Variants in SNX13 observed in about 807,000 individuals in gnomAD.
SNX13 encodes the protein sorting nexin 13.
In SNX13, 45 loss-of-function variants were observed where a neutral mutation model predicts 133.6. The observed-to-expected ratio is 0.34, with a 90% CI of 0.27 to 0.43. SNX13 has a LOEUF of 0.43. Ranked by LOEUF, SNX13 falls within the 20% of genes least tolerant of loss-of-function variation. SNX13 has a pLI of 1.00. For missense variants in SNX13, 1,032 were observed against 1,145.1 expected, an observed-to-expected ratio of 0.90 and a Z score of 1.43; for synonymous variants, 414 against 373.9, an observed-to-expected ratio of 1.11 and a Z score of -1.24.
chr7:17,907,884 T>A (rs1400849725), intron 1 of SNX13, among the ~76,000 whole-genome samples: 1 of 152,198 alleles, frequency 6.6e-6, no homozygotes, highest in Non-Finnish European at 1.5e-5. Flanking sequence ...TTACTAGATA[T>A]GCAATCCTTG....
intron 1 of SNX13, among the ~76,000 whole-genome samples, chr7:17,906,320 C>G (rs1798392942): frequency 6.6e-6 from 1 of 152,090 alleles, no homozygotes; most frequent in Admixed American, 6.6e-5. Context: ...TTAAAATTAA[C>G]TGCTTAGATT....
chr7:17,897,306 T>C, intron 2 of SNX13, 28 bp downstream of exon 2: 1 of 1,266,510 alleles, frequency 7.9e-7, no homozygotes, highest in Non-Finnish European at 1.1e-6. Flanking sequence ...GACACATGAA[T>C]TATAAAATTA....
intron 20 of SNX13, among the ~76,000 whole-genome samples, chr7:17,810,704 A>G (rs1285781664): frequency 1.3e-5 from 2 of 152,212 alleles, no homozygotes; most frequent in African/African-American, 2.4e-5. Context: ...ACAAAAAAAG[A>G]GAAAATTTCA....
chr7:17,859,546 A>T (rs1281931391), intron 9 of SNX13, among the ~76,000 whole-genome samples: 1 of 152,158 alleles, frequency 6.6e-6, no homozygotes, highest in East Asian at 1.9e-4. Flanking sequence ...AAAAACAGAA[A>T]ACATAAAATT....
In SNX13 at chr7:17,839,798, C is replaced by T. The variant is rs1789651112; in HGVS notation, c.1359+9G>A. 1 of 1,577,832 alleles carries T rather than the reference C, an allele frequency of 6.3e-7. No homozygotes were observed. Among genetic ancestry groups the T allele is most frequent in the Non-Finnish European group, 8.6e-7 (1 of 1,163,462 alleles). Reference sequence around the variant, plus strand: ...AAAGAAGAAAACAGTAATCAAAATACAGCCTCACCTTTTCTGATAAATACT... The same window carrying T: ...AAAGAAGAAAACAGTAATCAAAATATAGCCTCACCTTTTCTGATAAATACT... On this transcript the variant is annotated intron_variant, in intron 13 of 25. Coordinates refer to ENST00000428135, the MANE Select transcript of SNX13 (RefSeq NM_015132.5).
intron 12 of SNX13, among the ~76,000 whole-genome samples, chr7:17,845,249 A>G (rs759725570): frequency 2.0e-5 from 3 of 152,186 alleles, no homozygotes; most frequent in Non-Finnish European, 4.4e-5. Context: ...CTGAGGGCAT[A>G]TCCACGTTAA....
intron 19 of SNX13, among the ~76,000 whole-genome samples, chr7:17,815,721 T>C (rs1238386272): frequency 6.6e-6 from 1 of 152,226 alleles, no homozygotes; most frequent in South Asian, 2.1e-4. Flanking sequence ...ACATTCTAGC[T>C]TGGTTCCTTC....
At chr7:17,803,290 G>T in intron 21 of SNX13, 129 bp downstream of exon 21, 1 of 800,950 alleles carries the variant, frequency 1.2e-6, no homozygotes, top group Non-Finnish European at 1.8e-6. Flanking sequence ...TTCTTTATGA[G>T]ACTATGTGTC....
At chr7:17,801,684 A>T in intron 21 of SNX13, 25 bp from the exon 22 acceptor site, 1 of 1,555,002 alleles carries the variant, frequency 6.4e-7, no homozygotes, top group Non-Finnish European at 8.8e-7. Flanking sequence ...AAATCCACAA[A>T]GTAAACACAC....
chr7:17,810,739 A>G (rs1261756143), intron 20 of SNX13, among the ~76,000 whole-genome samples: 2 of 152,252 alleles, frequency 1.3e-5, no homozygotes, highest in African/African-American at 4.8e-5. Flanking sequence ...ATGAACATCA[A>G]TGTGAAAATC....
chr7:17,812,884 C>T (rs1786211424), intron 20 of SNX13, among the ~76,000 whole-genome samples: 1 of 152,052 alleles, frequency 6.6e-6, no homozygotes, highest in Non-Finnish European at 1.5e-5. Context: ...TCTCAGGAAA[C>T]TAACATAAGA....
chr7:17,825,949 A>C, intron 17 of SNX13, 73 bp downstream of exon 17: 1 of 1,108,522 alleles, frequency 9.0e-7, no homozygotes, highest in Admixed American at 2.9e-5. Context: ...AGTAAAAATT[A>C]AGTGTGGAAA....
intron 13 of SNX13, among the ~76,000 whole-genome samples, chr7:17,838,823 T>C (rs551335871): frequency 7.5e-4 from 114 of 151,944 alleles, no homozygotes; most frequent in African/African-American, 2.6e-3. Flanking sequence ...TTCCAATACT[T>C]TTAAATGGAG....
intron 20 of SNX13, among the ~76,000 whole-genome samples, chr7:17,808,176 G>A (rs2128293021): frequency 6.6e-6 from 1 of 152,238 alleles, no homozygotes. Context: ...AAAGGAGCAT[G>A]TTCTAACCCA....
At position 17,891,621 on chromosome 7, in the gene SNX13, C is replaced by T. The variant is rs1796635565; in HGVS notation, c.243G>A (p.Met81Ile). ...TCTTAATAGTCCTGGCTTCCCGTTTCATTTCTTCTAAGCACTTAAAGGAAA... is the reference window on the plus strand; with the variant it reads ...TCTTAATAGTCCTGGCTTCCCGTTTTATTTCTTCTAAGCACTTAAAGGAAA... ...SPGVPKCLEEMKREARTIKID... is the reference protein window; with the variant it reads ...SPGVPKCLEEIKREARTIKID... The change falls in exon 4 of 26, where the codon ATG becomes ATA. Residue 81 changes from methionine to isoleucine, a missense_variant. By Grantham distance (10) the Met-to-Ile change is conservative. Coordinates refer to ENST00000428135, the MANE Select transcript of SNX13 (RefSeq NM_015132.5). The T allele has an allele frequency of 5.0e-6, 8 of 1,611,690 alleles. No individual in the cohort carries two copies. The highest frequency in any genetic ancestry group is 5.9e-6 in the Non-Finnish European group (7 of 1,178,514).
At chr7:17,869,459 AATAT>A (rs1272482699) in intron 8 of SNX13, among the ~76,000 whole-genome samples, 2 of 152,138 alleles carry the variant, frequency 1.3e-5, no homozygotes, top group Non-Finnish European at 2.9e-5. Context: ...TAGTGCCAGT[AATAT>A]ATAAATTTAT....
chr7:17,933,936 C>T (rs995426476), intron 1 of SNX13, among the ~76,000 whole-genome samples: 1 of 152,094 alleles, frequency 6.6e-6, no homozygotes, highest in South Asian at 2.1e-4. Context: ...CCCAATTTTA[C>T]ACAGAAGGAA....
intron 20 of SNX13, among the ~76,000 whole-genome samples, chr7:17,805,250 T>C (rs76015833): frequency 0.023 from 2,156 of 95,424 alleles, 33 homozygotes; most frequent in African/African-American, 0.029. Flanking sequence ...TGTGTGTGTG[T>C]GCGTGCGCGC....
chr7:17,933,975 TC>T (rs2128051383), intron 1 of SNX13, among the ~76,000 whole-genome samples: 1 of 152,244 alleles, frequency 6.6e-6, no homozygotes, highest in Non-Finnish European at 1.5e-5. Flanking sequence ...TCAAACTAGT[TC>T]CCCAAAATCC....
Sources: allele counts gnomAD v4.1 joint callset (sites outside exome capture counted in the v4.1 genomes callset), GRCh38; gene constraint gnomAD v4.1.1; transcripts MANE v1.5; gene names NCBI Gene and HGNC (gene_info 2026-07-23, HGNC 2026-07-21).